Variants in AGMO observed in about 807,000 individuals in gnomAD.
The protein encoded by AGMO is glyceryl-ether monooxygenase.
AGMO carries 75 observed loss-of-function variants against 60.2 expected under a neutral mutation model. The ratio of observed to expected loss-of-function variants is 1.25; its 90% CI spans 1.03 to 1.51. The LOEUF is 1.51. Among genes scored for constraint, AGMO ranks in the 40% most tolerant of loss-of-function variants. The probability of loss-of-function intolerance (pLI) is 0.00; values close to 1 mark genes in which losing one functional copy is unlikely to be tolerated. For missense variants in AGMO, 763 were observed against 525.5 expected, an observed-to-expected ratio of 1.45 and a Z score of -4.42; for synonymous variants, 261 against 177.1, an observed-to-expected ratio of 1.47 and a Z score of -3.76.
At chr7:15,156,268 C>A in the AGMO span, among the ~76,000 whole-genome samples, 1 of 152,154 alleles carries the variant, frequency 6.6e-6, no homozygotes, top group African/African-American at 2.4e-5. Flanking sequence ...GCGAGATCTG[C>A]CAGTGAAAGA....
At chr7:15,161,455 CACAT>C in the AGMO span, among the ~76,000 whole-genome samples, 2 of 151,702 alleles carry the variant, frequency 1.3e-5, no homozygotes, top group South Asian at 4.2e-4. Context: ...GACACACACA[CACAT>C]ACATATACAC....
chr7:15,218,327 A>AGGTGTGTGTGTGTGTG (rs1554396500), intron 12 of AGMO, among the ~76,000 whole-genome samples: 1 of 143,930 alleles, frequency 6.9e-6, no homozygotes, highest in Non-Finnish European at 1.5e-5. Flanking sequence ...TGGTGTGTGT[A>AGGTGTGTGTGTGTGTG]TGTGTGTGTG....
intron 12 of AGMO, among the ~76,000 whole-genome samples, chr7:15,346,961 G>A (rs559543688): frequency 5.5e-4 from 83 of 151,940 alleles, no homozygotes; most frequent in African/African-American, 1.8e-3. Flanking sequence ...CCTTTTTTAA[G>A]TATGTACTAC....
At chr7:15,509,592 T>A (rs2128529530) in intron 3 of AGMO, among the ~76,000 whole-genome samples, 1 of 152,140 alleles carries the variant, frequency 6.6e-6, no homozygotes, top group East Asian at 1.9e-4. Context: ...ATAGACTATA[T>A]CAAACTGAAG....
chr7:15,121,600 G>T, the AGMO span, among the ~76,000 whole-genome samples: 2 of 151,460 alleles, frequency 1.3e-5, no homozygotes, highest in African/African-American at 4.9e-5. Flanking sequence ...TCATATATTT[G>T]TCAGCTGCAT....
At chr7:15,321,261 A>G (rs1425174683) in intron 12 of AGMO, among the ~76,000 whole-genome samples, 1 of 152,148 alleles carries the variant, frequency 6.6e-6, no homozygotes, top group African/African-American at 2.4e-5. Context: ...ATATAGATAG[A>G]TTGTTGGACA....
chr7:15,392,118 G>A (rs1229271218), intron 6 of AGMO, among the ~76,000 whole-genome samples: 2 of 151,710 alleles, frequency 1.3e-5, no homozygotes, highest in Non-Finnish European at 2.9e-5. Flanking sequence ...TGTCCAGGCT[G>A]GAGTGCAGTG....
intron 3 of AGMO, among the ~76,000 whole-genome samples, chr7:15,531,709 A>G (rs1784371603): frequency 6.9e-6 from 1 of 145,690 alleles, no homozygotes; most frequent in South Asian, 2.1e-4. Flanking sequence ...GGAGTGCAGT[A>G]GTACAATCTA....
chr7:15,534,285 C>T (rs1230538379), intron 3 of AGMO, among the ~76,000 whole-genome samples: 1 of 151,844 alleles, frequency 6.6e-6, no homozygotes, highest in African/African-American at 2.4e-5. Flanking sequence ...AAAATGTACA[C>T]ATTCTAATGG....
chr7:15,323,012 A>AG (rs1781228822), intron 12 of AGMO, among the ~76,000 whole-genome samples: 1 of 61,422 alleles, frequency 1.6e-5, no homozygotes, highest in African/African-American at 9.5e-5. Flanking sequence ...GTATCAAGAA[A>AG]GGAAATTTTG....
At chr7:15,397,231 G>A (rs1784426731) in intron 5 of AGMO, among the ~76,000 whole-genome samples, 2 of 152,284 alleles carry the variant, frequency 1.3e-5, no homozygotes, top group South Asian at 4.1e-4. Context: ...CGCGAAGAGG[G>A]AACGGCGGTC....
At chr7:15,383,514 A>G (rs1783779028) in intron 10 of AGMO, among the ~76,000 whole-genome samples, 1 of 152,198 alleles carries the variant, frequency 6.6e-6, no homozygotes. Flanking sequence ...AATTAACTAT[A>G]TAAATCATAC....
chr7:15,324,832 G>GAC (rs982687001), intron 12 of AGMO, among the ~76,000 whole-genome samples: 2 of 152,014 alleles, frequency 1.3e-5, no homozygotes, highest in Non-Finnish European at 2.9e-5. Context: ...CCACTGATCT[G>GAC]ACAGGAGGCA....
Position 15,390,897 on chromosome 7 carries a change from G to C in AGMO, c.685C>G (p.Arg229Gly). 6.3e-7 allele frequency: 1 copy of C among 1,594,784 alleles called. No homozygotes were observed. The highest frequency in any genetic ancestry group is 8.6e-7 in the Non-Finnish European group (1 of 1,169,264). Residue 229 changes from arginine to glycine, a missense_variant, in exon 7 of 13, where the codon CGT becomes GGT. Coordinates refer to ENST00000342526, the MANE Select transcript of AGMO (RefSeq NM_001004320.2). ...SHHRVHHGRN[R>G]YCIDKNYAGV... ...GCATAATTTTTGTCTATGCAATAAC[G>C]ATTTCTGCCTATGAGACAAAATATT... is the stretch of plus-strand genomic sequence containing the variant.
chr7:15,458,535 C>T (rs1006021526), intron 3 of AGMO, among the ~76,000 whole-genome samples: 4 of 152,104 alleles, frequency 2.6e-5, no homozygotes, highest in Non-Finnish European at 5.9e-5. Context: ...TAATATTTTA[C>T]TTGTTTTCAC....
intron 3 of AGMO, among the ~76,000 whole-genome samples, chr7:15,532,538 T>C (rs1784395506): frequency 6.6e-6 from 1 of 152,190 alleles, no homozygotes; most frequent in Non-Finnish European, 1.5e-5. Flanking sequence ...AAATACTAAT[T>C]AATTGTTAAT....
rs556410626 is a variant in AGMO at position 15,385,029 on chromosome 7, A to C, written c.1074+417T>G. ...TGTTTCAGAAATGTCAAACTAAAGG[A>C]ATTAAACTCTACACTGAAAACCCTT... On this transcript the variant is annotated intron_variant, in intron 10 of 12. Coordinates refer to ENST00000342526, the MANE Select transcript of AGMO (RefSeq NM_001004320.2). Among the ~76,000 whole-genome samples, 300 of 152,198 alleles carry C rather than the reference A, an allele frequency of 2.0e-3. 1 individual carries two copies. The highest frequency in any genetic ancestry group is 6.7e-3 in the African/African-American group (278 of 41,526).
rs147592256 is a variant in AGMO at position 15,251,030 on chromosome 7, C to T, written c.1264-49671G>A. 1.1e-3 allele frequency among the ~76,000 whole-genome samples: 171 copies of T among 151,998 alleles called. No individual in the cohort carries two copies. In the East Asian group the frequency reaches 0.027, roughly 24 times the overall value. ...CCAACAAAGTTTGCTTATACATATA[C>T]AAAATACATATATATTTTTATACAG... On this transcript the variant is annotated intron_variant, in intron 12 of 12. Coordinates refer to ENST00000342526, the MANE Select transcript of AGMO (RefSeq NM_001004320.2).
At chr7:15,332,385 T>A (rs1781526005) in intron 12 of AGMO, among the ~76,000 whole-genome samples, 1 of 152,124 alleles carries the variant, frequency 6.6e-6, no homozygotes. Flanking sequence ...AGACTAAAGG[T>A]CTGTCTCGTC....
Sources: gnomAD v4.1 joint callset for allele counts (sites outside exome capture counted in the v4.1 genomes callset) on GRCh38, gnomAD v4.1.1 for gene constraint, MANE v1.5 for transcripts, NCBI Gene and HGNC (gene_info 2026-07-23, HGNC 2026-07-21) for gene names.